Variants in CAVIN1 observed in about 807,000 individuals in gnomAD.
CAVIN1 encodes caveolae associated protein 1.
In CAVIN1, 16 loss-of-function variants were observed where a neutral mutation model predicts 24.0. The observed-to-expected ratio is 0.67, with a 90% CI of 0.45 to 1.01. CAVIN1 has a LOEUF of 1.01. Ranked by LOEUF, CAVIN1 falls within the 50% of genes least tolerant of loss-of-function variation. The pLI, the probability that CAVIN1 is intolerant of heterozygous loss-of-function variation, is 0.00. For missense variants in CAVIN1, 510 were observed against 551.7 expected, an observed-to-expected ratio of 0.92 and a Z score of 0.76; for synonymous variants, 256 against 256.4, an observed-to-expected ratio of 1.00 and a Z score of 0.02.
intron 1 of CAVIN1, among the ~76,000 whole-genome samples, chr17:42,421,765 G>A (rs1357500431): frequency 6.6e-6 from 1 of 152,176 alleles, no homozygotes; most frequent in Non-Finnish European, 1.5e-5. Flanking sequence ...CCTCCCGCCG[G>A]CTGCGCTGCT....
Position 42,422,957 on chromosome 17 carries a change from G to C in CAVIN1, c.141C>G (p.Asp47Glu). The change falls in exon 1 of 2, where the codon GAC becomes GAG. Residue 47 changes from aspartate (D) to glutamate (E), a missense_variant. Physicochemically the swap from Asp to Glu is conservative, Grantham distance 45. Transcript: ENST00000357037. ...GAGSEELIKSDQVNGVLVLSL... is the reference protein window; with the variant it reads ...GAGSEELIKSEQVNGVLVLSL... ...TCAGCACCAGCACGCCGTTCACCTG[G>C]TCCGACTTGATCAGCTCTTCTGAGC... The C allele has an allele frequency of 1.2e-6, 2 of 1,613,988 alleles. No homozygotes were observed. The highest frequency in any genetic ancestry group is 1.7e-6 in the Non-Finnish European group (2 of 1,179,994).
chr17:42,420,532 C>G (rs1442122210), intron 1 of CAVIN1, among the ~76,000 whole-genome samples: 1 of 152,200 alleles, frequency 6.6e-6, no homozygotes, highest in Non-Finnish European at 1.5e-5. Flanking sequence ...GGGTTTGGGA[C>G]TCCATTTGAG....
At position 42,403,810 on chromosome 17, in the gene CAVIN1, T is replaced by A; in HGVS notation, c.*877A>T. 6.6e-6 allele frequency: 1 copy of A among 152,274 alleles called. No individual in the cohort carries two copies. Among genetic ancestry groups the A allele is most frequent in the South Asian group, 2.1e-4 (1 of 4,826 alleles). 9.4% of individuals were successfully genotyped at this position (152,274 alleles called of 1,614,324 possible). On this transcript the variant is annotated 3_prime_UTR_variant, in exon 2 of 2. Coordinates refer to ENST00000357037, the MANE Select transcript of CAVIN1 (RefSeq NM_012232.6). The stretch of plus-strand genomic sequence containing the variant: ...GCCCAGCTAATTTTTGTAATTTTAG[T>A]AGAGATGGGTTTTCGCTTAGTAGAG...
chr17:42,411,192 C>CAAAAAAAAAAAAAAAAAAAAAAAAAAAAA (rs71157624), intron 1 of CAVIN1, among the ~76,000 whole-genome samples: 7 of 46,662 alleles, frequency 1.5e-4, no homozygotes, highest in African/African-American at 5.3e-4. Flanking sequence ...GACTATGTCT[C>CAAAAAAAAAAAAAAAAAAAAAAAAAAAAA]AAAAAAAAAA....
chr17:42,412,232 C>T (rs1268879151), intron 1 of CAVIN1: 1 of 984,820 alleles, frequency 1.0e-6, no homozygotes, highest in African/African-American at 1.8e-5. Context: ...TCAGAGGGTG[C>T]ATTCGGCTTC....
In CAVIN1 at chr17:42,405,610, A is replaced by G. The variant is rs528205684; in HGVS notation, c.472-222T>C. ...GGCTTGAGTCCAGGAGTTCGAGACC[A>G]GCCTGGGCAACATATCACCCATCTC... On this transcript the variant is annotated intron_variant, in intron 1 of 1. Transcript: ENST00000357037. Among the ~76,000 whole-genome samples, 13 of 150,916 alleles carry G rather than the reference A, an allele frequency of 8.6e-5. No homozygotes were observed. The East Asian group carries it at 2.5e-3, about 29-fold the overall frequency.
In CAVIN1 at chr17:42,404,368, GA is replaced by G; in HGVS notation, c.*318del. The stretch of plus-strand genomic sequence containing the variant: ...GGGTGGTGTGGGGAGAGGCTGAGGG[GA>G]AGGCAGCCCCCCCAGGGGGGCCTAA... On this transcript the variant is annotated 3_prime_UTR_variant, in exon 2 of 2. Coordinates refer to ENST00000357037, the MANE Select transcript of CAVIN1 (RefSeq NM_012232.6). 4.2e-6 allele frequency: 1 copy of G among 235,972 alleles called. No individual in the cohort carries two copies. Among genetic ancestry groups the G allele is most frequent in the Non-Finnish European group, 8.2e-6 (1 of 122,432 alleles). The allele number at this position is 235,972 out of a possible 1,614,324, so 14.6% of individuals were successfully genotyped here.
chr17:42,421,312 C>T (rs1426118365), intron 1 of CAVIN1, among the ~76,000 whole-genome samples: 1 of 152,198 alleles, frequency 6.6e-6, no homozygotes, highest in East Asian at 1.9e-4. Flanking sequence ...CAGATGGTCA[C>T]TCAGAACCCG....
rs1225486936 is a variant in CAVIN1 at position 42,403,228 on chromosome 17, C to T, written c.*1459G>A. 3 of 152,446 alleles carry T rather than the reference C, an allele frequency of 2.0e-5. No homozygotes were observed. The highest frequency in any genetic ancestry group is 4.4e-5 in the Non-Finnish European group (3 of 68,240). 9.4% of individuals were successfully genotyped at this position (152,446 alleles called of 1,614,324 possible). Reference sequence around the variant, plus strand: ...GACCACAGGCACGTGCCACCATGCTCCTAGGGAAGGAGCTTGAGAAGAAAC... The same window carrying T: ...GACCACAGGCACGTGCCACCATGCTTCTAGGGAAGGAGCTTGAGAAGAAAC... On this transcript the variant is annotated 3_prime_UTR_variant, in exon 2 of 2. Coordinates refer to ENST00000357037, the MANE Select transcript of CAVIN1 (RefSeq NM_012232.6).
At chr17:42,406,971 C>G (rs903828096) in intron 1 of CAVIN1, among the ~76,000 whole-genome samples, 3 of 152,146 alleles carry the variant, frequency 2.0e-5, no homozygotes, top group African/African-American at 7.2e-5. Context: ...AGCCTGAGCT[C>G]AGGGGTCTAG....
At chr17:42,405,784 T>C (rs1310653306) in intron 1 of CAVIN1, among the ~76,000 whole-genome samples, 1 of 146,346 alleles carries the variant, frequency 6.8e-6, no homozygotes, top group Non-Finnish European at 1.5e-5. Context: ...GCCACCCGGG[T>C]TCAAGCAATT....
Position 42,404,719 on chromosome 17 carries a change from C to A in CAVIN1, c.1141G>T (p.Ala381Ser). 6.7e-7 allele frequency: 1 copy of A among 1,492,430 alleles called. No individual in the cohort carries two copies. The highest frequency in any genetic ancestry group is 1.3e-5 in the South Asian group (1 of 74,318). The allele number at this position is 1,492,430 out of a possible 1,614,324, so 92.4% of individuals were successfully genotyped here. The change falls in exon 2 of 2, where the codon GCC becomes TCC. Residue 381 changes from alanine (A) to serine (S), a missense_variant. Physicochemically the swap from Ala to Ser is moderately conservative, Grantham distance 99. Transcript: ENST00000357037. ...CTGTCGCTCTTGTCCACCAGCACGGCGTCCGACTCCTCGGTGATCTCCAGC... is the reference window on the plus strand; with the variant it reads ...CTGTCGCTCTTGTCCACCAGCACGGAGTCCGACTCCTCGGTGATCTCCAGC... ...ALLEITEESD[A>S]VLVDKSDSD
At chr17:42,406,077 T>C (rs1447315190) in intron 1 of CAVIN1, among the ~76,000 whole-genome samples, 1 of 152,108 alleles carries the variant, frequency 6.6e-6, no homozygotes, top group East Asian at 1.9e-4. Context: ...GGGTCGGAGA[T>C]GGGGTTGCGT....
rs578144523 is a variant in CAVIN1 at position 42,417,446 on chromosome 17, G to A, written c.471+5181C>T. 2.7e-3 allele frequency among the ~76,000 whole-genome samples: 286 copies of A among 107,040 alleles called. 1 individual carries two copies. Among genetic ancestry groups the A allele is most frequent in the African/African-American group, 9.5e-3 (268 of 28,262 alleles). 70.2% of individuals were successfully genotyped at this position (107,040 alleles called of 152,430 possible). On this transcript the variant is annotated intron_variant, in intron 1 of 1. Transcript: ENST00000357037. ...TGCACTCTAGCCTGAGCAACAGAGC[G>A]AGAACTTGTCTCCAAAAAAAAAAAA... is the stretch of plus-strand genomic sequence containing the variant.
At chr17:42,411,600 T>C in intron 1 of CAVIN1, 1 of 985,332 alleles carries the variant, frequency 1.0e-6, no homozygotes, top group East Asian at 1.1e-4. Flanking sequence ...TACGTGTAAA[T>C]GTTTTCCTCA....
chr17:42,422,456 C>G (rs1002255208), intron 1 of CAVIN1, among the ~76,000 whole-genome samples, 171 bp downstream of exon 1: 1 of 151,684 alleles, frequency 6.6e-6, no homozygotes, highest in Non-Finnish European at 1.5e-5. Flanking sequence ...CATCCTACCC[C>G]ACCCAACCCC....
intron 1 of CAVIN1, among the ~76,000 whole-genome samples, chr17:42,413,244 C>A (rs1269090417): frequency 6.6e-6 from 1 of 151,742 alleles, no homozygotes; most frequent in Non-Finnish European, 1.5e-5. Context: ...CCTAGAAACT[C>A]ATTTTAAATG....
chr17:42,409,050 C>A (rs542583411), intron 1 of CAVIN1, among the ~76,000 whole-genome samples: 2 of 152,236 alleles, frequency 1.3e-5, no homozygotes, highest in Non-Finnish European at 2.9e-5. Context: ...CCTCGGCCTC[C>A]CAAAGTGCTG....
chr17:42,409,073 C>G (rs555693153), intron 1 of CAVIN1, among the ~76,000 whole-genome samples: 2 of 150,102 alleles, frequency 1.3e-5, no homozygotes. Context: ...ATTACAGGCA[C>G]GAGCCACCGC....
Sources: allele counts gnomAD v4.1 joint callset (sites outside exome capture counted in the v4.1 genomes callset), GRCh38; gene constraint gnomAD v4.1.1; transcripts MANE v1.5; gene names NCBI Gene and HGNC (gene_info 2026-07-23, HGNC 2026-07-21).